The following CLASRP variants were observed in gnomAD, a reference collection of about 807,000 sequenced individuals.
CLASRP encodes the protein CLK4-associating serine/arginine rich protein.
CLASRP carries 52 observed loss-of-function variants against 99.9 expected under a neutral mutation model. That is an observed-to-expected ratio of 0.52 (90% confidence interval 0.42 to 0.66). CLASRP has a LOEUF of 0.66. Among genes scored for constraint, CLASRP ranks in the 30% least tolerant of loss-of-function variants. The probability of loss-of-function intolerance (pLI) is 0.00; values close to 1 mark genes in which losing one functional copy is unlikely to be tolerated. For missense variants in CLASRP, 848 were observed against 999.2 expected (o/e 0.85, Z 2.04); for synonymous variants, 379 against 373.0 (o/e 1.02, Z -0.18).
chr19:45,053,316 ACT>A (rs1972061952), intron 5 of CLASRP, 139 bp downstream of exon 5: 2 of 749,554 alleles, frequency 2.7e-6, no homozygotes, highest in South Asian at 3.4e-5. Context: ...TCTACGATAG[ACT>A]CACTTTGCCT....
chr19:45,069,339 TC>T (rs1967179442), intron 18 of CLASRP, 91 bp downstream of exon 18: 1 of 1,306,390 alleles, frequency 7.7e-7, no homozygotes, highest in Admixed American at 1.8e-5. Context: ...CCTGCCCAGC[TC>T]CCTGTGGGTG....
In CLASRP at chr19:45,067,221, C is replaced by G. The variant is rs978792734; in HGVS notation, c.1410-116C>G. The G allele has an allele frequency of 4.9e-6, 6 of 1,215,404 alleles. No individual in the cohort carries two copies. Among genetic ancestry groups the G allele is most frequent in the South Asian group, 3.2e-5 (2 of 62,536 alleles). 75.3% of individuals were successfully genotyped at this position (1,215,404 alleles called of 1,614,324 possible). On this transcript the variant is annotated intron_variant, in intron 13 of 20. Coordinates refer to ENST00000221455, the MANE Select transcript of CLASRP (RefSeq NM_007056.3). This position sits in a 1 kb window ranked among gnomAD's most constrained non-coding sequence, Gnocchi z 4.9. ...AGGGAGAGTAGCAGGAGAGGAGAGT[C>G]GAGCCTGTCACCCTGGGCCTTGCAG... is the stretch of plus-strand genomic sequence containing the variant.
Position 45,057,888 on chromosome 19 carries a change from C to T in CLASRP, c.603C>T (p.Ile201=). ...EESNSDEDEV[I]PDIDVEVDVD... is the part of the protein sequence containing the mutation. ...GCAACTCGGACGAAGATGAGGTCAT[C>T]CCCGACATCGGTGGGGTCCCCTCTC... The change falls in exon 7 of 21, where the codon ATC becomes ATT. Residue 201 remains isoleucine (I), a synonymous_variant. Coordinates refer to ENST00000221455, the MANE Select transcript of CLASRP (RefSeq NM_007056.3). 1 of 1,613,826 alleles carries T rather than the reference C, an allele frequency of 6.2e-7. No individual in the cohort carries two copies. Among genetic ancestry groups the T allele is most frequent in the Non-Finnish European group, 8.5e-7 (1 of 1,179,920 alleles).
chr19:45,070,727 A>C, intron 20 of CLASRP, 76 bp from the exon 21 acceptor site: 1 of 1,371,578 alleles, frequency 7.3e-7, no homozygotes, highest in Non-Finnish European at 1.0e-6. Context: ...TGCCCCGATC[A>C]CTGAAGCATC....
intron 11 of CLASRP, among the ~76,000 whole-genome samples, chr19:45,063,517 C>T (rs1966991066): frequency 1.5e-5 from 2 of 133,660 alleles, no homozygotes; most frequent in Non-Finnish European, 3.1e-5. Flanking sequence ...GTGACCTGGA[C>T]TCACTGCAAC....
In CLASRP at chr19:45,070,569, A is replaced by AGCCCAT. The variant is rs1360599301; in HGVS notation, c.1982+10_1982+15dup. Reference sequence around the variant, plus strand: ...ATACAGCTCTTCTCGAAGGTAAGGAAGCCCATGACCCTCCACTTTCTTGGA... The same window carrying AGCCCAT: ...ATACAGCTCTTCTCGAAGGTAAGGAAGCCCATGCCCATGACCCTCCACTTTCTTGGA... On this transcript the variant is annotated intron_variant, in intron 20 of 20. Transcript: ENST00000221455. 1 of 1,612,710 alleles carries AGCCCAT rather than the reference A, an allele frequency of 6.2e-7. No individual in the cohort carries two copies. Among genetic ancestry groups the AGCCCAT allele is most frequent in the Non-Finnish European group, 8.5e-7 (1 of 1,178,738 alleles).
chr19:45,055,189 T>C (rs981795461), intron 5 of CLASRP, among the ~76,000 whole-genome samples: 1 of 152,188 alleles, frequency 6.6e-6, no homozygotes, highest in Non-Finnish European at 1.5e-5. Context: ...GTGATGCCAA[T>C]TGCAAACCAA....
In CLASRP at chr19:45,064,036, G is replaced by GTCCCGC. The variant is rs764854324; in HGVS notation, c.947_952dup (p.Arg316_Ser317dup). ...GGTCACCCTCGGAGTCCAGCTCAGA[G>GTCCCGC]TCCCGCTCCCGCTCCCGCTCCCCGA... On this transcript the variant is annotated inframe_insertion, in exon 12 of 21. Coordinates refer to ENST00000221455, the MANE Select transcript of CLASRP (RefSeq NM_007056.3). The GTCCCGC allele has an allele frequency of 1.2e-4, 190 of 1,612,436 alleles. No individual in the cohort carries two copies. Among genetic ancestry groups the GTCCCGC allele is most frequent in the South Asian group, 1.9e-4 (17 of 91,020 alleles).
chr19:45,066,622 CAAAAAA>C (rs35834419), intron 13 of CLASRP, among the ~76,000 whole-genome samples: 1 of 18,664 alleles, frequency 5.4e-5, no homozygotes, highest in Non-Finnish European at 1.2e-4. Flanking sequence ...GAGACTGTCT[CAAAAAA>C]AAAAAAAAAA....
chr19:45,060,382 T>C lies in CLASRP; in HGVS notation c.711-7T>C, dbSNP rs1174231387. 1.2e-6 allele frequency: 2 copies of C among 1,613,746 alleles called. No individual in the cohort carries two copies. The highest frequency in any genetic ancestry group is 2.7e-5 in the African/African-American group (2 of 74,912). The stretch of plus-strand genomic sequence containing the variant: ...TCCTCCACCCTAATTCTCACCCACC[T>C]CTATAGGATGCTCCGGAAAGACAAG... On this transcript the variant is annotated splice_region_variant and splice_polypyrimidine_tract_variant and intron_variant, in intron 8 of 20. Transcript: ENST00000221455. This position sits in a 1 kb window ranked among gnomAD's most constrained non-coding sequence, Gnocchi z 4.6.
At position 45,064,179 on chromosome 19, in the gene CLASRP, C is replaced by T; in HGVS notation, c.1073C>T (p.Ala358Val). 1.9e-6 allele frequency: 3 copies of T among 1,609,328 alleles called. No homozygotes were observed. Among genetic ancestry groups the T allele is most frequent in the Non-Finnish European group, 2.5e-6 (3 of 1,178,644 alleles). ...ASGVTTGKPP[A>V]PPQPGGPAPG... ...GGAGTCACCACAGGGAAGCCCCCCG[C>T]ACCTCCCCAGCCTGGCGGCCCCGCC... is the stretch of plus-strand genomic sequence containing the variant. The change falls in exon 12 of 21, where the codon GCA (alanine) becomes GTA (valine). Residue 358 changes from alanine to valine, a missense_variant. This residue lies in a region of CLASRP where 489 missense variants were observed against 434.7 expected (regional missense o/e 1.12). Transcript: ENST00000221455.
intron 2 of CLASRP, among the ~76,000 whole-genome samples, chr19:45,049,006 A>G (rs1971973986): frequency 6.6e-6 from 1 of 152,148 alleles, no homozygotes; most frequent in South Asian, 2.1e-4. Context: ...AAAGAATAGT[A>G]TGTTTCTTCC....
Position 45,056,407 on chromosome 19 carries a change from T to G in CLASRP, c.380-43T>G, listed in dbSNP as rs1972119891. 3 of 1,574,132 alleles carry G rather than the reference T, an allele frequency of 1.9e-6. No individual in the cohort carries two copies. The East Asian group carries it at 6.7e-5, about 35-fold the overall frequency. On this transcript the variant is annotated intron_variant, in intron 5 of 20. Transcript: ENST00000221455. Reference sequence around the variant, plus strand: ...TTGTGTTCCCCCACTGAATTCCTAGTGTCCCCAACCCACTCTGACCTGGGG... The same window carrying G: ...TTGTGTTCCCCCACTGAATTCCTAGGGTCCCCAACCCACTCTGACCTGGGG...
chr19:45,055,121 G>C (rs1335184782), intron 5 of CLASRP, among the ~76,000 whole-genome samples: 1 of 152,176 alleles, frequency 6.6e-6, no homozygotes, highest in African/African-American at 2.4e-5. Context: ...AACAGTCATT[G>C]AACACCTGCG....
rs374606139 is a variant in CLASRP at position 45,044,439 on chromosome 19, CTG to C, written c.99+4129_99+4130del. Among the ~76,000 whole-genome samples, 23 of 152,288 alleles carry C rather than the reference CTG, an allele frequency of 1.5e-4. No individual in the cohort carries two copies. The South Asian group carries it at 4.6e-3, about 30-fold the overall frequency. On this transcript the variant is annotated intron_variant, in intron 2 of 20. Transcript: ENST00000221455. ...TATTTCCATTTTACAGAGGACAAAA[CTG>C]GAGCACGGAGATACGTGGCTTACAG...
intron 7 of CLASRP, among the ~76,000 whole-genome samples, chr19:45,058,770 G>A (rs1165359904): frequency 2.0e-5 from 3 of 151,598 alleles, no homozygotes; most frequent in Non-Finnish European, 2.9e-5. Flanking sequence ...CACACGCCCT[G>A]CTTCCAAACA....
rs144071148 is a variant in CLASRP at position 45,070,026 on chromosome 19, C to T, written c.1879C>T (p.Arg627Trp). The T allele has an allele frequency of 1.9e-6, 3 of 1,591,650 alleles. No individual in the cohort carries two copies. Among genetic ancestry groups the T allele is most frequent in the South Asian group, 1.1e-5 (1 of 90,642 alleles). Residue 627 changes from arginine (R) to tryptophan (W), a missense_variant, in exon 19 of 21, where the codon CGG becomes TGG. This residue lies in a region of CLASRP where 116 missense variants were observed against 162.7 expected (regional missense o/e 0.71). Coordinates refer to ENST00000221455, the MANE Select transcript of CLASRP (RefSeq NM_007056.3). ...AMARKIRMKE[R>W]ERREKEREEW... Reference sequence around the variant, plus strand: ...GCTCATGCCATGCCTTCGCAGGGAGCGGGAACGCCGAGAGAAGGAGAGAGA... The same window carrying T: ...GCTCATGCCATGCCTTCGCAGGGAGTGGGAACGCCGAGAGAAGGAGAGAGA...
intron 13 of CLASRP, among the ~76,000 whole-genome samples, chr19:45,065,857 C>T (rs1226569319): frequency 6.6e-6 from 1 of 152,178 alleles, no homozygotes; most frequent in Non-Finnish European, 1.5e-5. Flanking sequence ...ATGTAAGGTG[C>T]TTAGGACAGG....
intron 18 of CLASRP, 30 bp downstream of exon 18, chr19:45,069,278 C>T (rs1167722384): frequency 1.9e-6 from 3 of 1,610,098 alleles, no homozygotes; most frequent in Non-Finnish European, 2.5e-6. Flanking sequence ...TGTCCCATGG[C>T]CACACCTCCT....
Sources: allele counts gnomAD v4.1 joint callset (sites outside exome capture counted in the v4.1 genomes callset), GRCh38; gene constraint gnomAD v4.1.1; regional missense constraint gnomAD v4.1.1; non-coding constraint Gnocchi (gnomAD v3.1); transcripts MANE v1.5; gene names NCBI Gene and HGNC (gene_info 2026-07-23, HGNC 2026-07-21).